Variants in RNF167 observed in about 807,000 individuals in gnomAD.
RNF167 encodes ring finger protein 167.
A neutral mutation model predicts 34.8 loss-of-function variants in RNF167; 19 were observed. The observed-to-expected ratio is 0.55, with a 90% CI of 0.38 to 0.80. The LOEUF is 0.80. Among genes scored for constraint, RNF167 ranks in the 30% least tolerant of loss-of-function variants. The pLI, the probability that RNF167 is intolerant of heterozygous loss-of-function variation, is 0.00. For synonymous variants in RNF167, 200 were observed against 170.4 expected (o/e 1.17, Z -1.35); for missense variants, 464 against 447.0 (o/e 1.04, Z -0.34).
At position 4,942,228 on chromosome 17, in the gene RNF167, G is replaced by A. The variant is rs920119123; in HGVS notation, c.166-113G>A. The stretch of plus-strand genomic sequence containing the variant: ...TGCTCACTCAGACCCCAGGAAGGAG[G>A]AGGAAGTGAGGATAGAGGATGTGCA... On this transcript the variant is annotated intron_variant, in intron 3 of 9. Transcript: ENST00000262482. The A allele has an allele frequency of 2.8e-5, 35 of 1,232,168 alleles. No individual in the cohort carries two copies. The African/African-American group carries it at 4.5e-4, about 16-fold the overall frequency. 76.3% of individuals were successfully genotyped at this position (1,232,168 alleles called of 1,614,324 possible).
rs766391792 is a variant in RNF167, at chr17:4,940,903, C to T, written c.-7C>T. 1 of 1,573,512 alleles carries T rather than the reference C, an allele frequency of 6.4e-7. No individual in the cohort carries two copies. The highest frequency in any genetic ancestry group is 2.3e-5 in the East Asian group (1 of 43,788). ...GCGGCCTCCTCAGCCTCTTTCCTCC[C>T]GCTGCCATGCACCCTGCAGCCTTCC... is the stretch of plus-strand genomic sequence containing the variant. On this transcript the variant is annotated 5_prime_UTR_variant, in exon 2 of 10. Coordinates refer to ENST00000262482, the MANE Select transcript of RNF167 (RefSeq NM_015528.3).
At chr17:4,943,014 C>A in intron 6 of RNF167, 73 bp downstream of exon 6, 1 of 1,445,726 alleles carries the variant, frequency 6.9e-7, no homozygotes, top group Non-Finnish European at 9.7e-7. Context: ...CAGGCCTCCT[C>A]ATTACCCGAA....
In RNF167 at chr17:4,944,914, T is replaced by G; in HGVS notation, c.951T>G (p.Leu317=). The change falls in exon 10 of 10, where the codon CTT becomes CTG. Residue 317 remains leucine, a synonymous_variant. Coordinates refer to ENST00000262482, the MANE Select transcript of RNF167 (RefSeq NM_015528.3). The part of the protein sequence containing the change: ...RTPLLGSSPT[L]PTSFGSLAPA... ...CACTTTTGGGTTCTAGCCCCACTCT[T>G]CCCACCTCCTTTGGTTCCTTAGCCC... is the stretch of plus-strand genomic sequence containing the variant. 6.2e-7 allele frequency: 1 copy of G among 1,613,704 alleles called. No homozygotes were observed. Among genetic ancestry groups the G allele is most frequent in the Non-Finnish European group, 8.5e-7 (1 of 1,179,794 alleles).
rs772247812 is a variant in RNF167, at chr17:4,944,998, C to T, written c.1035C>T (p.Ser345=). 5 of 1,552,270 alleles carry T rather than the reference C, an allele frequency of 3.2e-6. No individual in the cohort carries two copies. Among genetic ancestry groups the T allele is most frequent in the South Asian group, 2.4e-5 (2 of 81,708 alleles). The change falls in exon 10 of 10, where the codon TCC becomes TCT. Residue 345 remains serine, a synonymous_variant. Transcript: ENST00000262482. ...ATCCCCCACTGTCCCCTCCCTCTTC[C>T]CCTGTTATCCTGGTCTAATAACCCC... ...STDPPLSPPS[S]PVILV is the part of the protein sequence containing the mutation.
intron 8 of RNF167, among the ~76,000 whole-genome samples, chr17:4,943,952 A>G (rs939984703): frequency 3.3e-5 from 5 of 152,180 alleles, no homozygotes; most frequent in African/African-American, 7.2e-5. Flanking sequence ...AGATTGCACC[A>G]CTGTGCTCCA....
At chr17:4,942,239 G>A in intron 3 of RNF167, 102 bp from the exon 4 acceptor site, 1 of 1,344,478 alleles carries the variant, frequency 7.4e-7, no homozygotes, top group Non-Finnish European at 1.0e-6. Flanking sequence ...AGGAAGTGAG[G>A]ATAGAGGATG....
At position 4,944,964 on chromosome 17, in the gene RNF167, C is replaced by T. The variant is rs751026683; in HGVS notation, c.1001C>T (p.Pro334Leu). The T allele has an allele frequency of 2.5e-6, 4 of 1,597,224 alleles. No homozygotes were observed. The highest frequency in any genetic ancestry group is 1.3e-5 in the African/African-American group (1 of 74,372). The change falls in exon 10 of 10, where the codon CCT becomes CTT. Residue 334 changes from proline (P) to leucine (L), a missense_variant. By Grantham distance (98) the Pro-to-Leu change is moderately conservative. Transcript: ENST00000262482. Reference protein sequence around the residue: ...LAPAPLVFPGPSTDPPLSPPS... With the variant: ...LAPAPLVFPGLSTDPPLSPPS... ...CCAGCTCCCCTTGTTTTTCCTGGGCCTTCAACAGATCCCCCACTGTCCCCT... is the reference window on the plus strand; with the variant it reads ...CCAGCTCCCCTTGTTTTTCCTGGGCTTTCAACAGATCCCCCACTGTCCCCT...
Position 4,944,994 on chromosome 17 carries a change from C to T in RNF167, c.1031C>T (p.Ser344Phe). The T allele has an allele frequency of 1.3e-6, 2 of 1,564,014 alleles. No individual in the cohort carries two copies. The highest frequency in any genetic ancestry group is 2.4e-5 in the South Asian group (2 of 83,454). Reference protein sequence around the residue: ...PSTDPPLSPPSSPVILV With the variant: ...PSTDPPLSPPFSPVILV ...ACAGATCCCCCACTGTCCCCTCCCT[C>T]TTCCCCTGTTATCCTGGTCTAATAA... The change falls in exon 10 of 10, where the codon TCT becomes TTT. Residue 344 changes from serine to phenylalanine, a missense_variant. By Grantham distance (155) the Ser-to-Phe change is radical. Coordinates refer to ENST00000262482, the MANE Select transcript of RNF167 (RefSeq NM_015528.3).
chr17:4,943,474 A>C lies in RNF167; in HGVS notation c.625A>C (p.Thr209Pro). ...GAAACGGCTCCAGCGGAATCGACTT[A>C]CCAAAGAGCAACTGAAACAGATTCC... ...HRKRLQRNRL[T>P]KEQLKQIPTH... Residue 209 changes from threonine (T) to proline (P), a missense_variant, in exon 8 of 10, where the codon ACC (threonine) becomes CCC (proline). Thr to Pro is a conservative substitution (Grantham distance 38, BLOSUM62 -1). Coordinates refer to ENST00000262482, the MANE Select transcript of RNF167 (RefSeq NM_015528.3). 1 of 1,614,058 alleles carries C rather than the reference A, an allele frequency of 6.2e-7. No individual in the cohort carries two copies. Among genetic ancestry groups the C allele is most frequent in the South Asian group, 1.1e-5 (1 of 91,034 alleles).
At chr17:4,943,996 AAAT>A (rs1290634804) in intron 8 of RNF167, among the ~76,000 whole-genome samples, 7 of 152,226 alleles carry the variant, frequency 4.6e-5, no homozygotes, top group Non-Finnish European at 1.0e-4. Context: ...TTTCTCAAAA[AAAT>A]AATAATAAAA....
chr17:4,942,761 G>T, intron 5 of RNF167, 90 bp from the exon 6 acceptor site: 4 of 1,576,738 alleles, frequency 2.5e-6, no homozygotes, highest in Non-Finnish European at 3.5e-6. Flanking sequence ...TCCTTTAGGT[G>T]GGGTGGGGCC....
At chr17:4,943,098 G>A (rs1970992895) in intron 6 of RNF167, 81 bp from the exon 7 acceptor site, 2 of 1,378,562 alleles carry the variant, frequency 1.5e-6, no homozygotes, top group South Asian at 2.4e-5. Flanking sequence ...TATGGGCTTT[G>A]TCCAGAGCCA....
Position 4,940,628 on chromosome 17 carries a change from T to TTGA in RNF167, c.-281_-280insGAT, listed in dbSNP as rs1030299558. On this transcript the variant is annotated 5_prime_UTR_variant, in exon 2 of 10. Coordinates refer to ENST00000262482, the MANE Select transcript of RNF167 (RefSeq NM_015528.3). ...TGAGCTCCGCCACCCTTCCCGAAGT[T>TTGA]TTTCTGTCACCTGTGTTAGGCTCCG... 3.3e-4 allele frequency: 115 copies of TTGA among 349,262 alleles called. No homozygotes were observed. The highest frequency in any genetic ancestry group is 2.1e-4 in the Non-Finnish European group (41 of 193,830). 21.6% of individuals were successfully genotyped at this position (349,262 alleles called of 1,614,324 possible). A position where few individuals can be genotyped will look rare whatever the true frequency, so the allele number is the denominator to read the frequency against.
At chr17:4,943,057 C>G (rs2151123985) in intron 6 of RNF167, 116 bp downstream of exon 6, 1 of 1,295,008 alleles carries the variant, frequency 7.7e-7, no homozygotes, top group East Asian at 2.3e-5. Flanking sequence ...TTCCCTGCCT[C>G]TTTGACTTTC....
Position 4,940,859 on chromosome 17 carries a change from C to T in RNF167, c.-51C>T, listed in dbSNP as rs779123468. The T allele has an allele frequency of 6.7e-7, 1 of 1,495,352 alleles. No individual in the cohort carries two copies. Among genetic ancestry groups the T allele is most frequent in the Non-Finnish European group, 9.0e-7 (1 of 1,111,428 alleles). 92.6% of individuals were successfully genotyped at this position (1,495,352 alleles called of 1,614,324 possible). On this transcript the variant is annotated 5_prime_UTR_variant, in exon 2 of 10. Coordinates refer to ENST00000262482, the MANE Select transcript of RNF167 (RefSeq NM_015528.3). Reference sequence around the variant, plus strand: ...GGGAGGGCGCAGAACTCCGCTTCTGCTCCTTGCTACCAGGACGCGCGGCCT... The same window carrying T: ...GGGAGGGCGCAGAACTCCGCTTCTGTTCCTTGCTACCAGGACGCGCGGCCT...
In RNF167 at chr17:4,940,509, G is replaced by C. The variant is rs916878401; in HGVS notation, c.-401G>C. The C allele has an allele frequency of 5.5e-6, 1 of 180,904 alleles. No homozygotes were observed. The highest frequency in any genetic ancestry group is 1.1e-5 in the Non-Finnish European group (1 of 87,178). The allele number at this position is 180,904 out of a possible 1,614,324, so 11.2% of individuals were successfully genotyped here. A position where few individuals can be genotyped will look rare whatever the true frequency, so the allele number is the denominator to read the frequency against. ...TAGGACCGGAAGTCCTTCATCTCAAGCATCCAATGCTGAAAGCGGCCTGAT... is the reference window on the plus strand; with the variant it reads ...TAGGACCGGAAGTCCTTCATCTCAACCATCCAATGCTGAAAGCGGCCTGAT... On this transcript the variant is annotated 5_prime_UTR_variant, in exon 2 of 10. Transcript: ENST00000262482.
intron 7 of RNF167, 67 bp from the exon 8 acceptor site, chr17:4,943,359 G>A (rs1202290752): frequency 1.7e-5 from 27 of 1,584,122 alleles, no homozygotes; most frequent in Non-Finnish European, 1.9e-5. Context: ...TGGGAGATGG[G>A]AGTGGCTTGT....
chr17:4,940,129 G>A (rs901645719), upstream of RNF167: 1 of 427,912 alleles, frequency 2.3e-6, no homozygotes, highest in African/African-American at 2.1e-5. Flanking sequence ...CGTGCGAGAA[G>A]GGGCGTAACT....
At chr17:4,944,426 T>A in intron 8 of RNF167, 132 bp from the exon 9 acceptor site, 23 of 1,454,000 alleles carry the variant, frequency 1.6e-5, no homozygotes, top group Non-Finnish European at 2.1e-5. Context: ...TGCCCTGACC[T>A]TATCCTGCCT....
Sources: allele counts gnomAD v4.1 joint callset (sites outside exome capture counted in the v4.1 genomes callset), GRCh38; gene constraint gnomAD v4.1.1; transcripts MANE v1.5; gene names NCBI Gene and HGNC (gene_info 2026-07-23, HGNC 2026-07-21).